The following FRRS1 variants were observed in gnomAD, a reference collection of about 807,000 sequenced individuals.
FRRS1 encodes the protein ferric chelate reductase 1.
In FRRS1, 51 loss-of-function variants were observed where a neutral mutation model predicts 70.7. That is an observed-to-expected ratio of 0.72 (90% CI 0.58 to 0.91). FRRS1 has a LOEUF of 0.91. FRRS1 is among the 40% of genes least tolerant of loss of function. FRRS1 has a pLI of 0.00. For missense variants in FRRS1, 672 were observed against 726.0 expected (o/e 0.93, Z 0.86); for synonymous variants, 225 against 238.7 (o/e 0.94, Z 0.53).
At chr1:99,725,729 G>A (rs897093490) in intron 9 of FRRS1, among the ~76,000 whole-genome samples, 2 of 152,204 alleles carry the variant, frequency 1.3e-5, no homozygotes, top group Non-Finnish European at 2.9e-5. Flanking sequence ...AGGTGTTTCT[G>A]AGGGAGTGTT....
chr1:99,712,323 A>G (rs1403348284), intron 13 of FRRS1, 95 bp downstream of exon 13: 1 of 1,055,100 alleles, frequency 9.5e-7, no homozygotes, highest in Non-Finnish European at 1.4e-6. Context: ...ACTGAATTTT[A>G]TAAAATGCAA....
chr1:99,713,930 G>A (rs1339475766), intron 12 of FRRS1, among the ~76,000 whole-genome samples: 2 of 152,114 alleles, frequency 1.3e-5, no homozygotes, highest in Non-Finnish European at 2.9e-5. Context: ...GGGAGTAATG[G>A]AAGCGTGTGC....
At chr1:99,739,098 G>A (rs776400511) in intron 6 of FRRS1, among the ~76,000 whole-genome samples, 55 of 152,152 alleles carry the variant, frequency 3.6e-4, no homozygotes, top group Non-Finnish European at 6.6e-4. Context: ...AAGAAACTTG[G>A]ACTTTGGTCT....
Position 99,748,680 on chromosome 1 carries a change from T to C in FRRS1, c.89A>G (p.Gln30Arg). The change falls in exon 3 of 17, where the codon CAG becomes CGG. Residue 30 changes from glutamine (Q) to arginine (R), a missense_variant. Transcript: ENST00000646001. ...TTCAGGAATCATTCCATGGCATGAC[T>C]GTGTTACTTTTCCATTGGGATAATT... ...VANYPNGKVT[Q>R]SCHGMIPEHG... is the part of the protein sequence containing the mutation. 6.2e-7 allele frequency: 1 copy of C among 1,613,928 alleles called. No homozygotes were observed. Among genetic ancestry groups the C allele is most frequent in the Non-Finnish European group, 8.5e-7 (1 of 1,179,768 alleles).
chr1:99,722,698 CACCA>C (rs1251562296), intron 9 of FRRS1, among the ~76,000 whole-genome samples: 3 of 152,172 alleles, frequency 2.0e-5, no homozygotes, highest in African/African-American at 7.2e-5. Flanking sequence ...ATTTCCTCAA[CACCA>C]TAAAGGATAT....
chr1:99,709,659 T>C (rs1029097388), intron 15 of FRRS1, among the ~76,000 whole-genome samples: 3 of 152,194 alleles, frequency 2.0e-5, no homozygotes, highest in Non-Finnish European at 4.4e-5. Context: ...GTTTTAAGTA[T>C]ATATGTATTT....
chr1:99,756,886 T>C (rs537377548), intron 1 of FRRS1, among the ~76,000 whole-genome samples: 8 of 152,218 alleles, frequency 5.3e-5, no homozygotes, highest in Non-Finnish European at 8.8e-5. Flanking sequence ...CACAAAAAAA[T>C]TGTGGGAACT....
In FRRS1 at chr1:99,706,380, G is replaced by T. The variant is rs1033185587; in HGVS notation, c.*2648C>A. Reference sequence around the variant, plus strand: ...GCTAAGATCGCACCACTGCACTCCAGCCTGGGCAACAGAGTAAGACCCTGT... The same window carrying T: ...GCTAAGATCGCACCACTGCACTCCATCCTGGGCAACAGAGTAAGACCCTGT... On this transcript the variant is annotated 3_prime_UTR_variant, in exon 17 of 17. Transcript: ENST00000646001. Among the ~76,000 whole-genome samples, 3 of 149,266 alleles carry T rather than the reference G, an allele frequency of 2.0e-5. No individual in the cohort carries two copies. The highest frequency in any genetic ancestry group is 2.1e-4 in the South Asian group (1 of 4,726).
chr1:99,711,037 AC>A, intron 14 of FRRS1, 88 bp from the exon 15 acceptor site: 1 of 1,099,666 alleles, frequency 9.1e-7, no homozygotes, highest in Non-Finnish European at 1.3e-6. Flanking sequence ...ATCAAGTAAA[AC>A]ATACTAAAAG....
At chr1:99,752,791 T>C (rs900398198) in intron 1 of FRRS1, among the ~76,000 whole-genome samples, 1 of 151,520 alleles carries the variant, frequency 6.6e-6, no homozygotes, top group Admixed American at 6.6e-5. Flanking sequence ...AAAATAGAAA[T>C]TTACCAAAAT....
At chr1:99,763,659 A>G (rs1177541731) in intron 1 of FRRS1, among the ~76,000 whole-genome samples, 2 of 152,166 alleles carry the variant, frequency 1.3e-5, no homozygotes, top group African/African-American at 4.8e-5. Flanking sequence ...ACCTAAGGTT[A>G]GAAGTTCGAG....
intron 12 of FRRS1, among the ~76,000 whole-genome samples, chr1:99,714,426 C>A (rs1654420496): frequency 6.6e-6 from 1 of 152,230 alleles, no homozygotes; most frequent in East Asian, 1.9e-4. Flanking sequence ...TCGTGATCTG[C>A]CTGCCTTGGC....
At chr1:99,744,901 C>A (rs1351416051) in intron 4 of FRRS1, among the ~76,000 whole-genome samples, 1 of 136,680 alleles carries the variant, frequency 7.3e-6, no homozygotes, top group African/African-American at 2.6e-5. Flanking sequence ...ACCCGGGAGG[C>A]GGAGCTTGCA....
chr1:99,725,802 TTC>T (rs1278132323), intron 9 of FRRS1, among the ~76,000 whole-genome samples: 2 of 152,214 alleles, frequency 1.3e-5, no homozygotes, highest in African/African-American at 4.8e-5. Flanking sequence ...GAAGAAACAT[TTC>T]ACCTGCTGTA....
intron 7 of FRRS1, among the ~76,000 whole-genome samples, chr1:99,731,054 C>T (rs1012097): frequency 0.28 from 42,684 of 151,686 alleles, 11,104 homozygotes; most frequent in African/African-American, 0.69. Context: ...AGAAATAAAA[C>T]AGAATAAAAT....
chr1:99,718,901 C>T (rs1654666415), intron 10 of FRRS1, among the ~76,000 whole-genome samples: 1 of 152,102 alleles, frequency 6.6e-6, no homozygotes, highest in Non-Finnish European at 1.5e-5. Flanking sequence ...TTGACCCTGG[C>T]TGCAGTTAGA....
intron 9 of FRRS1, among the ~76,000 whole-genome samples, chr1:99,724,692 C>A (rs1306099819): frequency 6.6e-6 from 1 of 151,860 alleles, no homozygotes; most frequent in East Asian, 1.9e-4. Flanking sequence ...GTCCTTTGTT[C>A]CCCAGTACAA....
chr1:99,710,258 C>A (rs1654213352), intron 15 of FRRS1, among the ~76,000 whole-genome samples: 1 of 152,172 alleles, frequency 6.6e-6, no homozygotes, highest in Non-Finnish European at 1.5e-5. Flanking sequence ...CTACTAATTT[C>A]TCCACTCCTA....
chr1:99,710,274 G>C (rs1654213998), intron 15 of FRRS1, among the ~76,000 whole-genome samples: 1 of 152,148 alleles, frequency 6.6e-6, no homozygotes, highest in Non-Finnish European at 1.5e-5. Context: ...TCCTAATGGT[G>C]GCTATAGGTA....
Sources: allele counts gnomAD v4.1 joint callset (sites outside exome capture counted in the v4.1 genomes callset), GRCh38; gene constraint gnomAD v4.1.1; transcripts MANE v1.5; gene names NCBI Gene and HGNC (gene_info 2026-07-23, HGNC 2026-07-21).